Variants in NELL2 observed in about 807,000 individuals in gnomAD.
The protein encoded by NELL2 is neural EGFL like 2.
A neutral mutation model predicts 109.6 loss-of-function variants in NELL2; 41 were observed. The observed-to-expected ratio is 0.37, with a 90% CI of 0.29 to 0.49. The LOEUF is 0.49. Among genes scored for constraint, NELL2 ranks in the 20% least tolerant of loss-of-function variants. The pLI is 0.98. For synonymous variants in NELL2, 355 were observed against 344.7 expected, an observed-to-expected ratio of 1.03 and a Z score of -0.33; for missense variants, 900 against 1,008.3, an observed-to-expected ratio of 0.89 and a Z score of 1.45.
chr12:44,854,153 T>G (rs547341279), intron 2 of NELL2, among the ~76,000 whole-genome samples: 34 of 152,290 alleles, frequency 2.2e-4, no homozygotes, highest in African/African-American at 8.2e-4. Context: ...CACTTAATGG[T>G]CCATCAGTAC....
At chr12:44,649,270 C>A (rs533635752) in intron 13 of NELL2, among the ~76,000 whole-genome samples, 2 of 151,486 alleles carry the variant, frequency 1.3e-5, no homozygotes, top group African/African-American at 2.4e-5. Flanking sequence ...GGTAATCCAG[C>A]GTCTGAACCA....
intron 9 of NELL2, among the ~76,000 whole-genome samples, chr12:44,742,619 T>G (rs142570082): frequency 0.017 from 2,519 of 152,286 alleles, 47 homozygotes; most frequent in Admixed American, 0.031. Flanking sequence ...TTAAAGGACC[T>G]GATGGAGCTG....
upstream of NELL2, chr12:44,876,376 G>A: frequency 8.1e-7 from 1 of 1,238,340 alleles, no homozygotes. Context: ...GGGCGGGCCG[G>A]GGGAGGCGGG....
At chr12:44,703,658 A>C (rs1648236553) in intron 12 of NELL2, 68 bp downstream of exon 12, 1 of 1,562,726 alleles carries the variant, frequency 6.4e-7, no homozygotes, top group Admixed American at 1.8e-5. Flanking sequence ...CTGGGAACTT[A>C]ATAAATTTTG....
intron 1 of NELL2, among the ~76,000 whole-genome samples, chr12:44,896,826 A>C (rs1329837439): frequency 1.3e-5 from 2 of 152,182 alleles, no homozygotes; most frequent in Non-Finnish European, 2.9e-5. Context: ...TAAAGAATGA[A>C]AGTCAACTTT....
intron 9 of NELL2, among the ~76,000 whole-genome samples, chr12:44,766,305 T>G (rs1941332351): frequency 6.6e-6 from 1 of 152,320 alleles, no homozygotes; most frequent in Admixed American, 6.5e-5. Context: ...GAGAGGCCAG[T>G]GCAGCTGGGT....
intron 2 of NELL2, among the ~76,000 whole-genome samples, chr12:44,832,522 C>A (rs1447589743): frequency 1.3e-5 from 2 of 152,184 alleles, no homozygotes; most frequent in Admixed American, 1.3e-4. Flanking sequence ...AGAAAACAAT[C>A]AATAAGTATA....
chr12:44,512,457 C>A (rs1941041621), intron 19 of NELL2, among the ~76,000 whole-genome samples: 1 of 151,604 alleles, frequency 6.6e-6, no homozygotes, highest in South Asian at 2.1e-4. Flanking sequence ...AACATATGAT[C>A]CAGCAATCTC....
At chr12:44,833,946 A>C (rs1290572809) in intron 2 of NELL2, among the ~76,000 whole-genome samples, 2 of 152,210 alleles carry the variant, frequency 1.3e-5, no homozygotes, top group African/African-American at 4.8e-5. Flanking sequence ...CTTCCATCCC[A>C]GCATTTCCAA....
intron 12 of NELL2, among the ~76,000 whole-genome samples, chr12:44,687,100 T>C (rs1042145578): frequency 6.6e-5 from 10 of 152,096 alleles, no homozygotes; most frequent in Non-Finnish European, 1.3e-4. Flanking sequence ...GGGGATATAA[T>C]CTCCTGGTGC....
At chr12:44,564,631 T>C (rs1350821142) in intron 15 of NELL2, among the ~76,000 whole-genome samples, 1 of 152,164 alleles carries the variant, frequency 6.6e-6, no homozygotes, top group Non-Finnish European at 1.5e-5. Flanking sequence ...AATGCATATG[T>C]GTGTGTATAA....
At chr12:44,607,328 C>T in intron 14 of NELL2, 64 bp from the exon 15 acceptor site, 6 of 1,322,796 alleles carry the variant, frequency 4.5e-6, no homozygotes, top group Non-Finnish European at 6.3e-6. Flanking sequence ...AACTCCAAAC[C>T]TAGCTTTTCA....
chr12:44,917,264 T>C (rs1457400281), upstream of NELL2, among the ~76,000 whole-genome samples: 3 of 152,208 alleles, frequency 2.0e-5, no homozygotes, highest in African/African-American at 7.2e-5. Context: ...CTCTTGATGA[T>C]TATACAGTAG....
intron 9 of NELL2, among the ~76,000 whole-genome samples, chr12:44,771,349 A>T (rs542936125): frequency 1.6e-3 from 225 of 144,808 alleles, no homozygotes; most frequent in Admixed American, 3.0e-3. Flanking sequence ...GTTTTTTTAA[A>T]AAAAAAAAAG....
At chr12:44,727,008 G>A (rs1037193202) in intron 9 of NELL2, among the ~76,000 whole-genome samples, 1 of 152,024 alleles carries the variant, frequency 6.6e-6, no homozygotes, top group Non-Finnish European at 1.5e-5. Flanking sequence ...CAAATCACCT[G>A]GAGATCTTAT....
rs372468123 is a variant in NELL2, at chr12:44,520,022, T to C, written c.2383A>G (p.Thr795Ala). ...GAGTTTACCTTGCACTGGCAGAGAG[T>C]ACACTCAGTGCCATGTTTGATCCAA... ...SSWIKHGTEC[T>A]LCQCKNGHIC... Residue 795 changes from threonine (T) to alanine (A), a missense_variant, in exon 19 of 20, where the codon ACT (threonine) becomes GCT (alanine). Around this residue, in one of 4 missense-constraint regions of NELL2, gnomAD observed 333 missense variants for 432.3 expected, o/e 0.77. Coordinates refer to ENST00000429094, the MANE Select transcript of NELL2 (RefSeq NM_001145108.2). 1 of 1,613,924 alleles carries C rather than the reference T, an allele frequency of 6.2e-7. No individual in the cohort carries two copies. The highest frequency in any genetic ancestry group is 8.5e-7 in the Non-Finnish European group (1 of 1,179,954).
chr12:44,696,553 A>G (rs1421641133), intron 12 of NELL2, among the ~76,000 whole-genome samples: 1 of 152,258 alleles, frequency 6.6e-6, no homozygotes, highest in African/African-American at 2.4e-5. Context: ...AATGTTATGA[A>G]TGAACAAATT....
chr12:44,765,178 A>G (rs1466863764), intron 9 of NELL2, among the ~76,000 whole-genome samples: 1 of 152,246 alleles, frequency 6.6e-6, no homozygotes, highest in Non-Finnish European at 1.5e-5. Context: ...CATTGAGGTC[A>G]TCTTCCAATG....
At chr12:44,572,230 CTCCTGTGTCCAAGCGAT>C (rs1248967627) in intron 15 of NELL2, among the ~76,000 whole-genome samples, 2 of 152,154 alleles carry the variant, frequency 1.3e-5, no homozygotes, top group Non-Finnish European at 2.9e-5. Flanking sequence ...TAGCCTTGAC[CTCCTGTGTCCAAGCGAT>C]TCTTCTGCCT....
Sources: gnomAD v4.1 joint callset for allele counts (sites outside exome capture counted in the v4.1 genomes callset) on GRCh38, gnomAD v4.1.1 for gene constraint, gnomAD v4.1.1 regional missense constraint, MANE v1.5 for transcripts, NCBI Gene and HGNC (gene_info 2026-07-23, HGNC 2026-07-21) for gene names.